Variants in COL5A2 observed in about 807,000 individuals in gnomAD.
The protein encoded by COL5A2 is collagen alpha-2(V) chain.
Under a neutral mutation model 208.2 loss-of-function variants are expected in COL5A2, and 23 were observed. That is an observed-to-expected ratio of 0.11 (90% confidence interval 0.08 to 0.16). COL5A2 has a LOEUF of 0.16. COL5A2 is among the 10% of genes least tolerant of loss of function. The pLI, the probability that COL5A2 is intolerant of heterozygous loss-of-function variation, is 1.00. For missense variants in COL5A2, 1,590 were observed against 1,956.4 expected (o/e 0.81, Z 3.53); for synonymous variants, 625 against 628.5 (o/e 0.99, Z 0.08).
the COL5A2 span, among the ~76,000 whole-genome samples, chr2:189,405,740 C>T: frequency 6.6e-6 from 1 of 152,168 alleles, no homozygotes; most frequent in Non-Finnish European, 1.5e-5. Flanking sequence ...GTCATGCTCA[C>T]AGTGGAAAAT....
intron 1 of COL5A2, among the ~76,000 whole-genome samples, chr2:189,203,300 T>C (rs1314244949): frequency 6.6e-6 from 1 of 152,174 alleles, no homozygotes; most frequent in Non-Finnish European, 1.5e-5. Context: ...GAACTCTAAC[T>C]TATAATCAAC....
At chr2:189,084,644 A>G (rs1181872955) in intron 11 of COL5A2, among the ~76,000 whole-genome samples, 1 of 152,206 alleles carries the variant, frequency 6.6e-6, no homozygotes, top group Non-Finnish European at 1.5e-5. Flanking sequence ...CTGCTATTGC[A>G]CACTGTTCTC....
the COL5A2 span, among the ~76,000 whole-genome samples, chr2:189,334,927 G>A: frequency 6.6e-6 from 1 of 151,900 alleles, no homozygotes; most frequent in South Asian, 2.1e-4. Flanking sequence ...ACAACATACA[G>A]ATGATCAACT....
At position 189,080,418 on chromosome 2, in the gene COL5A2, G is replaced by A. The variant is rs143141553; in HGVS notation, c.907-387C>T. Among the ~76,000 whole-genome samples the A allele has an allele frequency of 9.6e-4, 146 of 152,220 alleles. 1 individual carries two copies. The highest frequency in any genetic ancestry group is 7.1e-3 in the Admixed American group (108 of 15,286). Reference sequence around the variant, plus strand: ...ATACTTAATAATGAGTATAGCAGCAGACATCTTAATCAAAATCTCAACTAC... The same window carrying A: ...ATACTTAATAATGAGTATAGCAGCAAACATCTTAATCAAAATCTCAACTAC... On this transcript the variant is annotated intron_variant, in intron 13 of 53. Transcript: ENST00000374866.
At chr2:189,398,178 A>C in the COL5A2 span, among the ~76,000 whole-genome samples, 2 of 152,112 alleles carry the variant, frequency 1.3e-5, no homozygotes, top group African/African-American at 2.4e-5. Flanking sequence ...TCTGATGTTC[A>C]TCTGCTTTTC....
intron 1 of COL5A2, among the ~76,000 whole-genome samples, chr2:189,124,546 TTAAAC>T (rs1208937161): frequency 1.3e-5 from 2 of 152,216 alleles, no homozygotes; most frequent in East Asian, 3.9e-4. Flanking sequence ...GCTATTTCAC[TTAAAC>T]TAAACAGGGG....
intron 1 of COL5A2, among the ~76,000 whole-genome samples, chr2:189,120,170 TTG>T (rs1187997798): frequency 6.6e-6 from 1 of 152,104 alleles, no homozygotes; most frequent in Non-Finnish European, 1.5e-5. Context: ...AATGAGACAT[TTG>T]GAGTTCAACT....
intron 23 of COL5A2, among the ~76,000 whole-genome samples, chr2:189,065,538 A>AC: frequency 6.6e-6 from 1 of 152,230 alleles, no homozygotes; most frequent in Non-Finnish European, 1.5e-5. Flanking sequence ...GAAAAAAAAA[A>AC]GGAAGAAAGG....
chr2:189,254,558 G>A, the COL5A2 span, among the ~76,000 whole-genome samples: 14 of 152,284 alleles, frequency 9.2e-5, no homozygotes, highest in Admixed American at 5.2e-4. Flanking sequence ...CTGAGCATGC[G>A]CAGAGCAGAG....
the COL5A2 span, among the ~76,000 whole-genome samples, chr2:189,280,648 T>C: frequency 6.6e-6 from 1 of 152,184 alleles, no homozygotes; most frequent in South Asian, 2.1e-4. Context: ...CAATCAATTC[T>C]GTATTTTCCA....
chr2:189,041,556 T>C (rs749941455), intron 50 of COL5A2, 30 bp downstream of exon 50: 13 of 1,504,618 alleles, frequency 8.6e-6, no homozygotes, highest in Non-Finnish European at 1.2e-5. Context: ...ATAAATAGCA[T>C]TTCTTGCATG....
chr2:189,145,236 T>A (rs942778539), intron 1 of COL5A2, among the ~76,000 whole-genome samples: 1 of 152,150 alleles, frequency 6.6e-6, no homozygotes, highest in Non-Finnish European at 1.5e-5. Flanking sequence ...TATACTCCAA[T>A]AGAAATTTTA....
chr2:189,404,660 A>T, the COL5A2 span, among the ~76,000 whole-genome samples: 3 of 152,168 alleles, frequency 2.0e-5, no homozygotes, highest in African/African-American at 7.2e-5. Context: ...TCATCCACAT[A>T]TATCCTATTG....
At chr2:189,402,215 T>C in the COL5A2 span, among the ~76,000 whole-genome samples, 4,252 of 152,158 alleles carry the variant, frequency 0.028, 197 homozygotes, top group African/African-American at 0.097. Context: ...GTTGTTGTCG[T>C]TTCAGTTTTT....
intron 1 of COL5A2, among the ~76,000 whole-genome samples, chr2:189,138,752 A>T (rs890925661): frequency 7.9e-5 from 12 of 152,238 alleles, no homozygotes; most frequent in African/African-American, 2.9e-4. Context: ...ATGGGGATAT[A>T]TCAAAGGGAC....
intron 49 of COL5A2, among the ~76,000 whole-genome samples, 171 bp from the exon 50 acceptor site, chr2:189,041,864 T>C (rs1685568621): frequency 6.6e-6 from 1 of 152,232 alleles, no homozygotes; most frequent in African/African-American, 2.4e-5. Context: ...TATGATTTCA[T>C]CACATAAGAA....
At chr2:189,298,768 A>G in the COL5A2 span, among the ~76,000 whole-genome samples, 1 of 152,156 alleles carries the variant, frequency 6.6e-6, no homozygotes, top group Non-Finnish European at 1.5e-5. Flanking sequence ...GAAAGAAAAG[A>G]ATCTCCATTT....
intron 9 of COL5A2, among the ~76,000 whole-genome samples, chr2:189,086,243 A>G (rs989193663): frequency 1.5e-4 from 23 of 152,210 alleles, no homozygotes; most frequent in African/African-American, 4.6e-4. Flanking sequence ...ATAATAAATA[A>G]AAATAGTTCT....
intron 26 of COL5A2, 52 bp from the exon 27 acceptor site, chr2:189,063,322 T>C (rs1024109385): frequency 1.4e-6 from 2 of 1,411,462 alleles, no homozygotes; most frequent in East Asian, 2.3e-5. Flanking sequence ...TTTCTAAACA[T>C]AGCATCACCC....
Sources: gnomAD v4.1 joint callset for allele counts (sites outside exome capture counted in the v4.1 genomes callset) on GRCh38, gnomAD v4.1.1 for gene constraint, MANE v1.5 for transcripts, NCBI Gene and HGNC (gene_info 2026-07-23, HGNC 2026-07-21) for gene names.